TEX11: variants seen among roughly 807,000 people sequenced by gnomAD.
TEX11 encodes testis expressed 11.
In TEX11, 7 loss-of-function variants were observed where a neutral mutation model predicts 84.4. That is an observed-to-expected ratio of 0.08 (90% CI 0.05 to 0.16). TEX11 has a LOEUF of 0.16. TEX11 is among the 10% of genes least tolerant of loss of function. The pLI is 1.00. For synonymous variants in TEX11, 264 were observed against 222.8 expected (o/e 1.18, Z -1.64); for missense variants, 551 against 660.5 (o/e 0.83, Z 1.82).
chrX:70,719,066 C>T (rs1378519988), intron 13 of TEX11, among the ~76,000 whole-genome samples: 1 of 111,638 alleles, frequency 9.0e-6, no homozygotes, highest in Non-Finnish European at 1.9e-5. Flanking sequence ...ACTAAGCCCC[C>T]TAATCTACAA....
chrX:70,638,322 A>G (rs1377063509), intron 17 of TEX11, among the ~76,000 whole-genome samples: 1 of 111,632 alleles, frequency 9.0e-6, no homozygotes, highest in Non-Finnish European at 1.9e-5. Flanking sequence ...AGGCCACGAA[A>G]GAGTGGGAAG....
At chrX:70,709,563 A>G (rs1252299031) in intron 13 of TEX11, among the ~76,000 whole-genome samples, 1 of 111,232 alleles carries the variant, frequency 9.0e-6, no homozygotes, top group Non-Finnish European at 1.9e-5. Flanking sequence ...AGAGCCAAAC[A>G]TTTTTTGGAG....
At chrX:70,539,018 A>G (rs1457748280) in intron 28 of TEX11, among the ~76,000 whole-genome samples, 4 of 20,171 alleles carry the variant, frequency 2.0e-4, no homozygotes, top group Non-Finnish European at 4.6e-4. Context: ...AGACACTTGG[A>G]AATATATATA....
intron 25 of TEX11, among the ~76,000 whole-genome samples, chrX:70,557,069 C>A (rs1421517474): frequency 1.8e-5 from 2 of 109,615 alleles, no homozygotes; most frequent in African/African-American, 3.3e-5. Flanking sequence ...AAGTGAGCCA[C>A]CATACCTGGC....
chrX:70,589,742 G>A (rs1007455177), intron 25 of TEX11, among the ~76,000 whole-genome samples: 2 of 111,200 alleles, frequency 1.8e-5, no homozygotes, highest in Admixed American at 1.9e-4. Context: ...GGGTGGTCTC[G>A]AATTCCTGGC....
chrX:70,844,161 C>G (rs1186929187), intron 7 of TEX11, among the ~76,000 whole-genome samples: 2 of 109,938 alleles, frequency 1.8e-5, no homozygotes, highest in Non-Finnish European at 3.8e-5. Context: ...CACATGCACA[C>G]GTATGTTTAT....
At chrX:70,647,856 G>A (rs896300038) in intron 17 of TEX11, among the ~76,000 whole-genome samples, 38 of 111,090 alleles carry the variant, frequency 3.4e-4, no homozygotes, top group Admixed American at 5.8e-4. Flanking sequence ...TCAGTGTGGC[G>A]ATTCCTCAGG....
chrX:70,894,086 C>T (rs12689527), intron 2 of TEX11, among the ~76,000 whole-genome samples: 4,475 of 110,801 alleles, frequency 0.04, 123 homozygotes, highest in South Asian at 0.16. Context: ...AATTAATAGC[C>T]TAGCAACCAA....
At chrX:70,774,943 C>T (rs1391664400) in intron 9 of TEX11, among the ~76,000 whole-genome samples, 3 of 111,816 alleles carry the variant, frequency 2.7e-5, no homozygotes, top group African/African-American at 9.7e-5. Context: ...TATTACCTGA[C>T]TCAAAATATA....
At chrX:70,791,798 T>C (rs2091119579) in intron 9 of TEX11, among the ~76,000 whole-genome samples, 1 of 111,596 alleles carries the variant, frequency 9.0e-6, no homozygotes, top group Non-Finnish European at 1.9e-5. Flanking sequence ...AAATAAAAAA[T>C]ACTTTGAAAT....
intron 9 of TEX11, among the ~76,000 whole-genome samples, chrX:70,787,324 CCT>C (rs1009910315): frequency 3.6e-5 from 4 of 111,007 alleles, no homozygotes; most frequent in African/African-American, 6.5e-5. Flanking sequence ...AAGGAATCCC[CCT>C]CTTGCCACTT....
chrX:70,756,120 G>A (rs1304455301), intron 9 of TEX11, among the ~76,000 whole-genome samples: 1 of 112,556 alleles, frequency 8.9e-6, no homozygotes, highest in Non-Finnish European at 1.9e-5. Context: ...AGCTCGAACT[G>A]GGCGGAGCCC....
At chrX:70,661,736 G>C (rs1428886454) in intron 16 of TEX11, among the ~76,000 whole-genome samples, 1 of 111,487 alleles carries the variant, frequency 9.0e-6, no homozygotes, top group South Asian at 3.8e-4. Context: ...TGCAGCCTCC[G>C]CTCTGATACC....
intron 2 of TEX11, among the ~76,000 whole-genome samples, chrX:70,902,715 T>C (rs986611218): frequency 9.0e-6 from 1 of 110,807 alleles, no homozygotes; most frequent in Non-Finnish European, 1.9e-5. Flanking sequence ...ATTTTTTGTA[T>C]TTTTGGTAGA....
intron 15 of TEX11, among the ~76,000 whole-genome samples, chrX:70,678,433 G>A (rs1461213827): frequency 2.0e-5 from 2 of 101,244 alleles, no homozygotes; most frequent in Non-Finnish European, 2.0e-5. Flanking sequence ...TTATCTTTAG[G>A]TTTACAGGAA....
intron 17 of TEX11, among the ~76,000 whole-genome samples, chrX:70,640,832 C>T (rs1355513515): frequency 6.3e-5 from 7 of 110,716 alleles, no homozygotes; most frequent in Non-Finnish European, 1.3e-4. Flanking sequence ...AATGTAAAGA[C>T]CATCGAGACT....
chrX:70,750,055 A>T (rs1232383219), intron 9 of TEX11, among the ~76,000 whole-genome samples: 11 of 111,087 alleles, frequency 9.9e-5, no homozygotes, highest in Non-Finnish European at 1.3e-4. Context: ...GAATCTACAA[A>T]GAACTCAAGC....
chrX:70,665,777 CA>C, intron 16 of TEX11, among the ~76,000 whole-genome samples: 1 of 111,544 alleles, frequency 9.0e-6, no homozygotes, highest in Non-Finnish European at 1.9e-5. Context: ...CATTTTAAAT[CA>C]AAATAAAATG....
intron 20 of TEX11, among the ~76,000 whole-genome samples, chrX:70,617,767 G>C (rs2147540577): frequency 9.0e-6 from 1 of 111,235 alleles, no homozygotes; most frequent in Non-Finnish European, 1.9e-5. Flanking sequence ...CTAATTGGGA[G>C]GGCAGTGCCC....
Sources: allele counts gnomAD v4.1 joint callset (sites outside exome capture counted in the v4.1 genomes callset), GRCh38; gene constraint gnomAD v4.1.1; transcripts MANE v1.5; gene names NCBI Gene and HGNC (gene_info 2026-07-23, HGNC 2026-07-21).